Variants in RNF19B observed in about 807,000 individuals in gnomAD.
RNF19B encodes the protein ring finger protein 19B, also known as E3 ubiquitin-protein ligase RNF19B.
RNF19B carries 23 observed loss-of-function variants against 65.5 expected under a neutral mutation model. The ratio of observed to expected loss-of-function variants is 0.35; its 90% confidence interval spans 0.25 to 0.50. The LOEUF (loss-of-function observed/expected upper bound fraction) is 0.50, where lower values mean the gene tolerates loss of function less well. Among genes scored for constraint, RNF19B ranks in the 20% least tolerant of loss-of-function variants. The probability of loss-of-function intolerance (pLI) is 0.98; values close to 1 mark genes in which losing one functional copy is unlikely to be tolerated. For synonymous variants in RNF19B, 372 were observed against 379.6 expected (o/e 0.98, Z 0.23); for missense variants, 794 against 980.0 (o/e 0.81, Z 2.53).
intron 1 of RNF19B, among the ~76,000 whole-genome samples, chr1:32,963,092 C>CT (rs753693150): frequency 7.9e-5 from 12 of 152,182 alleles, no homozygotes; most frequent in Non-Finnish European, 1.8e-4. Flanking sequence ...ACACCAACCT[C>CT]TGGGCATTCT....
At chr1:32,931,927 G>C (rs1421228907), downstream of RNF19B, among the ~76,000 whole-genome samples, 1 of 152,166 alleles carries the variant, frequency 6.6e-6, no homozygotes, top group Non-Finnish European at 1.5e-5. Context: ...ATGGTGACTA[G>C]ATCTACATTT....
chr1:32,952,148 C>A (rs1275498991), intron 1 of RNF19B, among the ~76,000 whole-genome samples: 1 of 151,738 alleles, frequency 6.6e-6, no homozygotes, highest in Admixed American at 6.6e-5. Flanking sequence ...GCACTAATGT[C>A]GACCATTTCT....
At chr1:32,957,526 T>C (rs1642667092) in intron 1 of RNF19B, among the ~76,000 whole-genome samples, 2 of 152,168 alleles carry the variant, frequency 1.3e-5, no homozygotes, top group Admixed American at 6.5e-5. Flanking sequence ...GGTTCAACAG[T>C]GTATCATTCT....
At chr1:32,950,286 G>A (rs1265413513) in intron 1 of RNF19B, among the ~76,000 whole-genome samples, 1 of 151,956 alleles carries the variant, frequency 6.6e-6, no homozygotes, top group African/African-American at 2.4e-5. Flanking sequence ...AATTTCTTGA[G>A]ATTCCAAAAA....
chr1:32,939,967 G>C (rs749297291), intron 7 of RNF19B, among the ~76,000 whole-genome samples: 3 of 152,208 alleles, frequency 2.0e-5, no homozygotes, highest in Non-Finnish European at 2.9e-5. Context: ...GAGACAACCA[G>C]AGTCATGAGA....
Position 32,964,268 on chromosome 1 carries a change from G to T in RNF19B, c.418C>A (p.Arg140Ser). 1 of 1,538,200 alleles carries T rather than the reference G, an allele frequency of 6.5e-7. No homozygotes were observed. The highest frequency in any genetic ancestry group is 1.2e-5 in the South Asian group (1 of 83,146). Residue 140 changes from arginine (R) to serine (S), a missense_variant, in exon 1 of 9, where the codon CGC becomes AGC. Coordinates refer to ENST00000235150, the MANE Select transcript of RNF19B (RefSeq NM_001300826.2). The surrounding 1 kb of genome is among the most constrained non-coding windows in gnomAD (Gnocchi z 6.5). ...TGGCGGAGGCAGTCCCGGCACGAGC[G>T]GTGCGGACAGCTGAGGAGGCGCGGG... The part of the protein sequence containing the change: ...RAPRLLSCPH[R>S]SCRDCLRHYL...
chr1:32,940,679 T>C (rs2124115370), intron 7 of RNF19B, among the ~76,000 whole-genome samples: 1 of 152,304 alleles, frequency 6.6e-6, no homozygotes, highest in East Asian at 1.9e-4. Flanking sequence ...AACCATCTCC[T>C]CTACCTTCCT....
intron 1 of RNF19B, among the ~76,000 whole-genome samples, chr1:32,961,372 C>A (rs1642765826): frequency 6.6e-6 from 1 of 152,126 alleles, no homozygotes; most frequent in Admixed American, 6.5e-5. Context: ...AAAACAGGGG[C>A]TGAATGGAAG....
chr1:32,938,156 A>AAAAAG (rs1557563590), intron 8 of RNF19B, among the ~76,000 whole-genome samples: 2 of 151,118 alleles, frequency 1.3e-5, no homozygotes. Context: ...AAAAAAAAAA[A>AAAAAG]AAAAGAAAAA....
At chr1:32,932,096 C>T (rs1642035361), downstream of RNF19B, among the ~76,000 whole-genome samples, 1 of 152,150 alleles carries the variant, frequency 6.6e-6, no homozygotes, top group Non-Finnish European at 1.5e-5. Context: ...GGATTCAACA[C>T]AGGTAAATTA....
intron 7 of RNF19B, among the ~76,000 whole-genome samples, chr1:32,940,910 A>C (rs543825385): frequency 2.0e-4 from 31 of 152,224 alleles, no homozygotes; most frequent in Non-Finnish European, 4.1e-4. Flanking sequence ...ATGGAAATAG[A>C]AAGGTAATAA....
At chr1:32,959,742 A>G (rs1009003557) in intron 1 of RNF19B, among the ~76,000 whole-genome samples, 1 of 152,154 alleles carries the variant, frequency 6.6e-6, no homozygotes, top group Non-Finnish European at 1.5e-5. Context: ...TTAGTATATT[A>G]AATAATAATG....
intron 1 of RNF19B, 108 bp from the exon 2 acceptor site, chr1:32,949,882 T>TGATA (rs1229616880): frequency 1.0e-5 from 8 of 773,026 alleles, no homozygotes; most frequent in Non-Finnish European, 1.7e-5. Flanking sequence ...CTATCACATA[T>TGATA]GATACAGAGA....
In RNF19B at chr1:32,942,465, G is replaced by T. The variant is rs758485721; in HGVS notation, c.1403-6C>A. On this transcript the variant is annotated splice_polypyrimidine_tract_variant and splice_region_variant and intron_variant, in intron 6 of 8. Coordinates refer to ENST00000235150, the MANE Select transcript of RNF19B (RefSeq NM_001300826.2). ...GGCTCTCCAGGCATCTGCCACTGGG[G>T]ATAGAACCAAACATCCAATTCAAGA... 2 of 1,611,938 alleles carry T rather than the reference G, an allele frequency of 1.2e-6. No homozygotes were observed. Among genetic ancestry groups the T allele is most frequent in the Non-Finnish European group, 1.7e-6 (2 of 1,178,252 alleles).
chr1:32,942,383 G>T lies in RNF19B; in HGVS notation c.1479C>A (p.Ser493Arg). ...SSIEGLTSVLSTSGSPTDGLS... is the reference protein window; with the variant it reads ...SSIEGLTSVLRTSGSPTDGLS... ...GTCCATCTGTAGGGCTTCCACTAGT[G>T]CTCAATACACTAGTCAGGCCTTCAA... Residue 493 changes from serine (S) to arginine (R), a missense_variant, in exon 7 of 9, where the codon AGC (serine) becomes AGA (arginine). This residue lies in a region of RNF19B where 368 missense variants were observed against 447.3 expected (regional missense o/e 0.82). Coordinates refer to ENST00000235150, the MANE Select transcript of RNF19B (RefSeq NM_001300826.2). 3.1e-6 allele frequency: 5 copies of T among 1,614,176 alleles called. No homozygotes were observed. The highest frequency in any genetic ancestry group is 3.4e-6 in the Non-Finnish European group (4 of 1,180,020).
chr1:32,950,351 G>T (rs1389445968), intron 1 of RNF19B, among the ~76,000 whole-genome samples: 1 of 152,112 alleles, frequency 6.6e-6, no homozygotes, highest in African/African-American at 2.4e-5. Context: ...ATTTATCCTG[G>T]ATTTCCAGCA....
rs1358155774 is a variant in RNF19B, at chr1:32,938,119, T to G, written c.1742+278A>C. 1.5e-4 allele frequency among the ~76,000 whole-genome samples: 20 copies of G among 132,350 alleles called. No homozygotes were observed. The Admixed American group carries it at 1.7e-3, about 11-fold the overall frequency. The allele number at this position is 132,350 out of a possible 152,430, so 86.8% of individuals were successfully genotyped here. On this transcript the variant is annotated intron_variant, in intron 8 of 8. Coordinates refer to ENST00000235150, the MANE Select transcript of RNF19B (RefSeq NM_001300826.2). ...CTTTAAGTTCCATGTAATTATACAC[T>G]GTTGCAATAGCCAAGAAAGACAAAA... is the stretch of plus-strand genomic sequence containing the variant.
At chr1:32,958,266 G>C (rs575327953) in intron 1 of RNF19B, among the ~76,000 whole-genome samples, 1 of 152,318 alleles carries the variant, frequency 6.6e-6, no homozygotes, top group African/African-American at 2.4e-5. Context: ...ATATTAGCAT[G>C]TTTAAAGATT....
intron 1 of RNF19B, among the ~76,000 whole-genome samples, chr1:32,959,881 CAAAAAAAAAA>C (rs35488614): frequency 1.1e-5 from 1 of 93,180 alleles, no homozygotes; most frequent in Non-Finnish European, 2.3e-5. Context: ...ACTAAAAATA[CAAAAAAAAAA>C]AAAAAAAAAA....
Sources: gnomAD v4.1 joint callset for allele counts (sites outside exome capture counted in the v4.1 genomes callset) on GRCh38, gnomAD v4.1.1 for gene constraint, gnomAD v4.1.1 regional missense constraint, Gnocchi (gnomAD v3.1) non-coding constraint, MANE v1.5 for transcripts, NCBI Gene and HGNC (gene_info 2026-07-23, HGNC 2026-07-21) for gene names.